The following ARHGAP10 variants were observed in gnomAD, a reference collection of about 807,000 sequenced individuals.
The protein encoded by ARHGAP10 is rho GTPase-activating protein 10.
Under a neutral mutation model 108.6 loss-of-function variants are expected in ARHGAP10, and 87 were observed. The observed-to-expected ratio is 0.80, with a 90% CI of 0.67 to 0.96. The LOEUF (loss-of-function observed/expected upper bound fraction) is 0.96. ARHGAP10 is among the 40% of genes least tolerant of loss of function. The probability of loss-of-function intolerance (pLI) is 0.00; values close to 1 mark genes in which losing one functional copy is unlikely to be tolerated. For synonymous variants in ARHGAP10, 347 were observed against 341.1 expected (o/e 1.02, Z -0.19); for missense variants, 939 against 954.5 (o/e 0.98, Z 0.21).
chr4:147,826,397 A>G (rs1232456643), intron 3 of ARHGAP10, among the ~76,000 whole-genome samples: 1 of 152,116 alleles, frequency 6.6e-6, no homozygotes, highest in African/African-American at 2.4e-5. Context: ...TAGGAACGAG[A>G]ATAGGGTGGT....
chr4:147,869,222 C>T (rs9995956), intron 7 of ARHGAP10, among the ~76,000 whole-genome samples: 19,810 of 152,070 alleles, frequency 0.13, 1,667 homozygotes, highest in East Asian at 0.25. Context: ...TAGGTGAATG[C>T]CCTGAAGCCA....
At chr4:147,766,655 C>T (rs966881232) in intron 1 of ARHGAP10, among the ~76,000 whole-genome samples, 31 of 144,010 alleles carry the variant, frequency 2.2e-4, no homozygotes, top group Non-Finnish European at 4.1e-4. Flanking sequence ...CCCACCCACA[C>T]ACACCCACAC....
At chr4:147,975,915 C>T (rs1382063602) in intron 18 of ARHGAP10, among the ~76,000 whole-genome samples, 4 of 152,218 alleles carry the variant, frequency 2.6e-5, no homozygotes, top group Non-Finnish European at 4.4e-5. Context: ...TTATGACCTG[C>T]ATCTACCTCT....
chr4:147,909,871 C>G, intron 12 of ARHGAP10, 94 bp downstream of exon 12: 2 of 1,208,818 alleles, frequency 1.7e-6, no homozygotes, highest in Non-Finnish European at 2.4e-6. Context: ...GGAGCTTACT[C>G]TCTGCACCCT....
intron 1 of ARHGAP10, among the ~76,000 whole-genome samples, chr4:147,810,157 T>C (rs1731962103): frequency 6.6e-6 from 1 of 152,214 alleles, no homozygotes; most frequent in South Asian, 2.1e-4. Context: ...CTCCCTTTTT[T>C]CTTCCCTACC....
At chr4:148,059,036 G>A (rs1461204162) in intron 20 of ARHGAP10, among the ~76,000 whole-genome samples, 3 of 152,316 alleles carry the variant, frequency 2.0e-5, no homozygotes, top group Admixed American at 6.5e-5. Context: ...TTTCAGGAAC[G>A]TGTTTCCAAG....
At chr4:147,842,618 C>T (rs1222598511) in intron 3 of ARHGAP10, among the ~76,000 whole-genome samples, 1 of 152,114 alleles carries the variant, frequency 6.6e-6, no homozygotes, top group Non-Finnish European at 1.5e-5. Flanking sequence ...GTTTTCCCCT[C>T]TCCACATGGA....
At position 148,063,277 on chromosome 4, in the gene ARHGAP10, T is replaced by C; in HGVS notation, c.2157T>C (p.Thr719=). The change falls in exon 21 of 23, where the codon ACT becomes ACC. Residue 719 remains threonine (T), a synonymous_variant. Coordinates refer to ENST00000336498, the MANE Select transcript of ARHGAP10 (RefSeq NM_024605.4). ...SSPFPFSPPA[T]VADKPPESIR... Reference sequence around the variant, plus strand: ...CTTTCCCCTTTTCTCCTCCTGCTACTGTAGCGGACAAGCCACCTGAAAGGT... The same window carrying C: ...CTTTCCCCTTTTCTCCTCCTGCTACCGTAGCGGACAAGCCACCTGAAAGGT... 1 of 1,614,194 alleles carries C rather than the reference T, an allele frequency of 6.2e-7. No homozygotes were observed. The highest frequency in any genetic ancestry group is 8.5e-7 in the Non-Finnish European group (1 of 1,180,024).
intron 7 of ARHGAP10, among the ~76,000 whole-genome samples, chr4:147,867,522 T>A (rs1734614208): frequency 6.6e-6 from 1 of 152,154 alleles, no homozygotes; most frequent in African/African-American, 2.4e-5. Flanking sequence ...CACAGGTAGA[T>A]GGATGGGAAG....
At chr4:147,959,145 C>A (rs1283292965) in intron 16 of ARHGAP10, among the ~76,000 whole-genome samples, 1 of 151,468 alleles carries the variant, frequency 6.6e-6, no homozygotes, top group Non-Finnish European at 1.5e-5. Flanking sequence ...GTTGTAGCTA[C>A]ATAGAAATGA....
intron 4 of ARHGAP10, among the ~76,000 whole-genome samples, chr4:147,855,424 A>G (rs1485995924): frequency 6.6e-6 from 1 of 152,260 alleles, no homozygotes; most frequent in African/African-American, 2.4e-5. Context: ...ACTATGTAAT[A>G]TCAATACATT....
intron 20 of ARHGAP10, among the ~76,000 whole-genome samples, chr4:148,050,326 C>T (rs1298057743): frequency 7.2e-6 from 1 of 138,942 alleles, no homozygotes; most frequent in Non-Finnish European, 1.5e-5. Context: ...TACTGAATGT[C>T]TCTTAGGCTA....
chr4:147,813,258 G>A (rs940589824), intron 1 of ARHGAP10, among the ~76,000 whole-genome samples: 13 of 152,052 alleles, frequency 8.5e-5, no homozygotes, highest in Non-Finnish European at 1.6e-4. Context: ...TGTCACTCAT[G>A]GCCTCTGCTA....
chr4:147,980,725 G>A (rs540234463), intron 18 of ARHGAP10, among the ~76,000 whole-genome samples: 153 of 152,030 alleles, frequency 1.0e-3, no homozygotes, highest in Non-Finnish European at 1.6e-3. Flanking sequence ...CTCCATTATC[G>A]GTCTGTTCAG....
intron 19 of ARHGAP10, among the ~76,000 whole-genome samples, chr4:148,039,085 G>A (rs1728507515): frequency 1.3e-5 from 2 of 151,812 alleles, no homozygotes; most frequent in Admixed American, 1.3e-4. Context: ...TTTCAGTTCT[G>A]GATTATTTTG....
At chr4:147,896,185 G>A (rs1368183566) in intron 10 of ARHGAP10, among the ~76,000 whole-genome samples, 1 of 152,024 alleles carries the variant, frequency 6.6e-6, no homozygotes, top group East Asian at 1.9e-4. Flanking sequence ...CATTTTTTAT[G>A]TCCTTCTCTG....
At chr4:147,973,699 C>T (rs923935817) in intron 18 of ARHGAP10, among the ~76,000 whole-genome samples, 19 of 152,200 alleles carry the variant, frequency 1.2e-4, no homozygotes, top group African/African-American at 4.6e-4. Flanking sequence ...CTACCCTCCC[C>T]AGCCTCTGGT....
rs2149663594 is a variant in ARHGAP10, at chr4:148,023,162, G to GA, written c.1717-99dup. ...TGGATTTTGGGCTCTAGCCTGTCTT[G>GA]AATGAACTCCAAATCAAATGTTGTG... On this transcript the variant is annotated intron_variant, in intron 18 of 22. Transcript: ENST00000336498. 2.1e-6 allele frequency: 3 copies of GA among 1,423,376 alleles called. No homozygotes were observed. The East Asian group carries it at 7.0e-5, about 33-fold the overall frequency. 88.2% of individuals were successfully genotyped at this position (1,423,376 alleles called of 1,614,324 possible).
intron 9 of ARHGAP10, among the ~76,000 whole-genome samples, chr4:147,880,577 TTG>T (rs1157833810): frequency 6.6e-6 from 1 of 152,218 alleles, no homozygotes; most frequent in African/African-American, 2.4e-5. Flanking sequence ...TTTTGAATAT[TTG>T]TGTATCTTAA....
Sources: gnomAD v4.1 joint callset for allele counts (sites outside exome capture counted in the v4.1 genomes callset) on GRCh38, gnomAD v4.1.1 for gene constraint, MANE v1.5 for transcripts, NCBI Gene and HGNC (gene_info 2026-07-23, HGNC 2026-07-21) for gene names.